ARHGAP12: variants seen among roughly 807,000 people sequenced by gnomAD.
ARHGAP12 encodes the protein Rho GTPase activating protein 12, also known as rho GTPase-activating protein 12.
A neutral mutation model predicts 108.6 loss-of-function variants in ARHGAP12; 64 were observed. The ratio of observed to expected loss-of-function variants is 0.59; its 90% CI spans 0.48 to 0.73. ARHGAP12 has a LOEUF of 0.73. Ranked by LOEUF, ARHGAP12 falls within the 30% of genes least tolerant of loss-of-function variation. The pLI, the probability that ARHGAP12 is intolerant of heterozygous loss-of-function variation, is 0.00. For missense variants in ARHGAP12, 940 were observed against 1,005.9 expected (o/e 0.93, Z 0.89); for synonymous variants, 312 against 337.2 (o/e 0.93, Z 0.82).
intron 3 of ARHGAP12, among the ~76,000 whole-genome samples, chr10:31,903,947 T>C (rs988187437): frequency 1.3e-5 from 2 of 152,146 alleles, no homozygotes; most frequent in Non-Finnish European, 1.5e-5. Context: ...AATAAAAAAA[T>C]AGTGACAACA....
rs1323464182 is a variant in ARHGAP12, at chr10:31,810,670, T to G, written c.2029A>C (p.Ile677Leu). 1 of 1,604,258 alleles carries G rather than the reference T, an allele frequency of 6.2e-7. No homozygotes were observed. The highest frequency in any genetic ancestry group is 1.1e-5 in the South Asian group (1 of 89,148). The part of the protein sequence containing the change: ...GTVPKFVKLC[I>L]EHVEEHGLDI... Reference sequence around the variant, plus strand: ...TTACCATGTTCTTCAACATGTTCAATACATAACTTCACAAACTTTGGTACT... The same window carrying G: ...TTACCATGTTCTTCAACATGTTCAAGACATAACTTCACAAACTTTGGTACT... Residue 677 changes from isoleucine (I) to leucine (L), a missense_variant, in exon 16 of 20, where the codon ATT becomes CTT. Physicochemically the swap from Ile to Leu is conservative, Grantham distance 5. Transcript: ENST00000344936.
intron 10 of ARHGAP12, chr10:31,826,731 T>C (rs1277226837): frequency 1.1e-5 from 2 of 183,108 alleles, no homozygotes; most frequent in African/African-American, 4.7e-5. Context: ...ATTGTATTTA[T>C]CAAGAATTCT....
chr10:31,818,073 G>A (rs143628905), intron 12 of ARHGAP12, among the ~76,000 whole-genome samples, 187 bp from the exon 13 acceptor site: 192 of 151,944 alleles, frequency 1.3e-3, no homozygotes, highest in African/African-American at 4.2e-3. Context: ...AATATCAGTT[G>A]AATAAAAAAA....
chr10:31,895,580 A>G (rs1838647902), intron 3 of ARHGAP12, among the ~76,000 whole-genome samples: 1 of 152,220 alleles, frequency 6.6e-6, no homozygotes, highest in Non-Finnish European at 1.5e-5. Flanking sequence ...ATCATTAAAA[A>G]GTCAGGAAAC....
rs534786768 is a variant in ARHGAP12 at position 31,921,220 on chromosome 10, A to C, written c.-111+7463T>G. ...GAGGATTACAGGAGCCCAGGAAGTC[A>C]AGGCTGCAGTTTGTGACACTGCACT... On this transcript the variant is annotated intron_variant, in intron 1 of 19. Coordinates refer to ENST00000344936, the MANE Select transcript of ARHGAP12 (RefSeq NM_018287.7). Among the ~76,000 whole-genome samples, 323 of 152,274 alleles carry C rather than the reference A, an allele frequency of 2.1e-3. 1 individual carries two copies. The highest frequency in any genetic ancestry group is 5.7e-3 in the African/African-American group (237 of 41,538).
chr10:31,818,019 G>GT, intron 12 of ARHGAP12, 133 bp from the exon 13 acceptor site: 1 of 645,642 alleles, frequency 1.5e-6, no homozygotes. Flanking sequence ...ATGATGCAAG[G>GT]TTAAAGGACT....
chr10:31,920,011 C>A (rs1185394503), intron 1 of ARHGAP12, among the ~76,000 whole-genome samples: 1 of 149,590 alleles, frequency 6.7e-6, no homozygotes, highest in African/African-American at 2.5e-5. Context: ...CTACTCAAGG[C>A]AGGAGAATCG....
At chr10:31,902,959 G>C (rs1838989554) in intron 3 of ARHGAP12, among the ~76,000 whole-genome samples, 1 of 152,126 alleles carries the variant, frequency 6.6e-6, no homozygotes, top group Admixed American at 6.5e-5. Flanking sequence ...GGCCTGAATA[G>C]AACAACAGAC....
intron 15 of ARHGAP12, 54 bp downstream of exon 15, chr10:31,812,653 T>C: frequency 8.9e-7 from 1 of 1,119,246 alleles, no homozygotes; most frequent in Non-Finnish European, 1.3e-6. Context: ...TGAAACATTT[T>C]ATTTATGACG....
Position 31,808,549 on chromosome 10 carries a change from T to C in ARHGAP12, c.2366+100A>G, listed in dbSNP as rs796754040. ...CAAGTTACAAAGACAGCAAGTAGCA[T>C]AGCTGGGATCCAAATCTGAGTCTGA... On this transcript the variant is annotated intron_variant, in intron 19 of 19. Coordinates refer to ENST00000344936, the MANE Select transcript of ARHGAP12 (RefSeq NM_018287.7). The C allele has an allele frequency of 9.2e-6, 9 of 981,616 alleles. No homozygotes were observed. The African/African-American group carries it at 9.8e-5, about 11-fold the overall frequency. The allele number at this position is 981,616 out of a possible 1,614,324, so 60.8% of individuals were successfully genotyped here.
intron 3 of ARHGAP12, among the ~76,000 whole-genome samples, chr10:31,866,326 A>T (rs1324259539): frequency 6.6e-6 from 1 of 152,246 alleles, no homozygotes. Flanking sequence ...AGGATCTGAA[A>T]CTACTTTCCT....
rs560368326 is a variant in ARHGAP12, at chr10:31,918,357, A to G, written c.-110-7794T>C. ...CACACACACACACACACACACACAC[A>G]CACCAATGAGATACCACTTCACACC... On this transcript the variant is annotated intron_variant, in intron 1 of 19. Coordinates refer to ENST00000344936, the MANE Select transcript of ARHGAP12 (RefSeq NM_018287.7). Among the ~76,000 whole-genome samples the G allele has an allele frequency of 4.3e-3, 611 of 141,038 alleles. 2 individuals are homozygous for G. The highest frequency in any genetic ancestry group is 0.015 in the African/African-American group (575 of 37,756). The allele number at this position is 141,038 out of a possible 152,430, so 92.5% of individuals were successfully genotyped here.
chr10:31,918,016 T>A (rs1227732597), intron 1 of ARHGAP12, among the ~76,000 whole-genome samples: 1 of 151,808 alleles, frequency 6.6e-6, no homozygotes. Context: ...AGTGCAGTGG[T>A]ACCATCATAG....
chr10:31,923,132 GAAAAAAAAA>G (rs58930834), intron 1 of ARHGAP12, among the ~76,000 whole-genome samples: 1 of 83,226 alleles, frequency 1.2e-5, no homozygotes, highest in Non-Finnish European at 2.2e-5. Flanking sequence ...ACCCTAACAG[GAAAAAAAAA>G]AAAAAAAAAA....
chr10:31,892,057 G>A (rs1011254009), intron 3 of ARHGAP12, among the ~76,000 whole-genome samples: 2 of 151,520 alleles, frequency 1.3e-5, no homozygotes, highest in African/African-American at 4.8e-5. Context: ...AATTTTGATC[G>A]TCGGAGAGAT....
chr10:31,917,097 T>C (rs1839589285), intron 1 of ARHGAP12, among the ~76,000 whole-genome samples: 1 of 152,114 alleles, frequency 6.6e-6, no homozygotes, highest in Non-Finnish European at 1.5e-5. Flanking sequence ...GAGTATTTTT[T>C]AAAGTACTTG....
rs966750608 is a variant in ARHGAP12 at position 31,831,813 on chromosome 10, G to A, written c.1387-13C>T. On this transcript the variant is annotated splice_polypyrimidine_tract_variant and intron_variant, in intron 9 of 19. Coordinates refer to ENST00000344936, the MANE Select transcript of ARHGAP12 (RefSeq NM_018287.7). Reference sequence around the variant, plus strand: ...ATTTCTCTTGATCCTATGGAACAGAGTAATACTGTTTATACAATCACATAG... The same window carrying A: ...ATTTCTCTTGATCCTATGGAACAGAATAATACTGTTTATACAATCACATAG... 2.0e-6 allele frequency: 3 copies of A among 1,509,092 alleles called. No homozygotes were observed. Among genetic ancestry groups the A allele is most frequent in the Admixed American group, 1.8e-5 (1 of 55,292 alleles). The allele number at this position is 1,509,092 out of a possible 1,614,324, so 93.5% of individuals were successfully genotyped here.
At chr10:31,847,328 T>C (rs900284299) in intron 6 of ARHGAP12, among the ~76,000 whole-genome samples, 1 of 152,210 alleles carries the variant, frequency 6.6e-6, no homozygotes, top group Non-Finnish European at 1.5e-5. Flanking sequence ...CTTTGGTTTC[T>C]ATTTAAACAT....
intron 1 of ARHGAP12, among the ~76,000 whole-genome samples, chr10:31,927,291 G>C (rs1039733163): frequency 6.6e-6 from 1 of 152,164 alleles, no homozygotes; most frequent in Non-Finnish European, 1.5e-5. Flanking sequence ...GACCGATTCT[G>C]TAAAACACCC....
Sources: allele counts gnomAD v4.1 joint callset (sites outside exome capture counted in the v4.1 genomes callset), GRCh38; gene constraint gnomAD v4.1.1; transcripts MANE v1.5; gene names NCBI Gene and HGNC (gene_info 2026-07-23, HGNC 2026-07-21).